EPHB2: variants seen among roughly 807,000 people sequenced by gnomAD.
EPHB2 encodes ephrin type-B receptor 2.
In EPHB2, 18 loss-of-function variants were observed where a neutral mutation model predicts 96.4. The observed-to-expected ratio is 0.19, with a 90% CI of 0.13 to 0.28. The LOEUF (loss-of-function observed/expected upper bound fraction) is 0.28, where lower values mean the gene tolerates loss of function less well. Among genes scored for constraint, EPHB2 ranks in the 10% least tolerant of loss-of-function variants. The pLI is 1.00. For missense variants in EPHB2, 989 were observed against 1,355.4 expected (o/e 0.73, Z 4.25); for synonymous variants, 506 against 534.1 (o/e 0.95, Z 0.72).
Position 22,850,979 on chromosome 1 carries a change from T to G in EPHB2, c.812-12058T>G, listed in dbSNP as rs796576837. 2.6e-5 allele frequency among the ~76,000 whole-genome samples: 4 copies of G among 151,866 alleles called. No individual in the cohort carries two copies. The East Asian group carries it at 5.8e-4, about 22-fold the overall frequency. On this transcript the variant is annotated intron_variant, in intron 3 of 15. Coordinates refer to ENST00000374630, the MANE Select transcript of EPHB2 (RefSeq NM_017449.5). ...GCTTTGTAGGCTATTGTTTTGTGGG[T>G]TTTTGTTTCTTTTTGGAAATTCATC...
Position 22,795,772 on chromosome 1 carries a change from G to A in EPHB2, c.811+10696G>A, listed in dbSNP as rs920501577. ...CCATATACTTTGTCAGGCAGAAGCC[G>A]GGACTAGAACCCAGTGCTGCAGGCT... On this transcript the variant is annotated intron_variant, in intron 3 of 15. Transcript: ENST00000374630. Among the ~76,000 whole-genome samples, 13 of 152,136 alleles carry A rather than the reference G, an allele frequency of 8.5e-5. No individual in the cohort carries two copies. The East Asian group carries it at 1.2e-3, about 14-fold the overall frequency.
At chr1:22,740,924 G>T (rs149386585) in intron 1 of EPHB2, among the ~76,000 whole-genome samples, 1 of 152,124 alleles carries the variant, frequency 6.6e-6, no homozygotes, top group African/African-American at 2.4e-5. Flanking sequence ...GGGGCGGTCC[G>T]TGTGAAGTTC....
At chr1:22,895,006 C>T (rs573158938) in intron 7 of EPHB2, among the ~76,000 whole-genome samples, 1 of 152,320 alleles carries the variant, frequency 6.6e-6, no homozygotes, top group South Asian at 2.1e-4. Flanking sequence ...TTATTCTCCC[C>T]ATTTTACAGA....
chr1:22,745,823 G>A (rs1643966560), intron 1 of EPHB2, among the ~76,000 whole-genome samples: 2 of 152,142 alleles, frequency 1.3e-5, no homozygotes, highest in South Asian at 2.1e-4. Flanking sequence ...TGAGCGCAGC[G>A]GGGCCTGGCG....
intron 3 of EPHB2, among the ~76,000 whole-genome samples, chr1:22,855,835 AC>A (rs1169986216): frequency 1.3e-5 from 2 of 152,212 alleles, no homozygotes; most frequent in Non-Finnish European, 2.9e-5. Flanking sequence ...AGGTTAGGTA[AC>A]TTGCTCATGG....
At chr1:22,717,320 G>C (rs1304963824) in intron 1 of EPHB2, among the ~76,000 whole-genome samples, 1 of 152,216 alleles carries the variant, frequency 6.6e-6, no homozygotes, top group Non-Finnish European at 1.5e-5. Context: ...TTCTGATAAG[G>C]CTGCCTTGAA....
At position 22,913,355 on chromosome 1, in the gene EPHB2, C is replaced by A; in HGVS notation, c.2853-107C>A. 1.4e-6 allele frequency: 2 copies of A among 1,438,276 alleles called. No homozygotes were observed. Among genetic ancestry groups the A allele is most frequent in the Non-Finnish European group, 1.9e-6 (2 of 1,044,874 alleles). The allele number at this position is 1,438,276 out of a possible 1,614,324, so 89.1% of individuals were successfully genotyped here. On this transcript the variant is annotated intron_variant, in intron 15 of 15. Transcript: ENST00000374630. This position sits in a 1 kb window ranked among gnomAD's most constrained non-coding sequence, Gnocchi z 4.1. ...ACTCCCCACTCCCCACTCCCCAGTA[C>A]TCCTTGCTTTGCCATCTTCCTCCCG...
chr1:22,857,098 G>T (rs577582565), intron 3 of EPHB2, among the ~76,000 whole-genome samples: 1 of 152,180 alleles, frequency 6.6e-6, no homozygotes, highest in Admixed American at 6.5e-5. Flanking sequence ...ACAAAATCAC[G>T]TGCCATGTAA....
At chr1:22,910,752 G>T (rs140251906) in intron 14 of EPHB2, among the ~76,000 whole-genome samples, 177 bp downstream of exon 14, 1 of 152,224 alleles carries the variant, frequency 6.6e-6, no homozygotes, top group Non-Finnish European at 1.5e-5. Context: ...AGCAGAGGAC[G>T]CAGACTGCCC....
chr1:22,772,997 C>T (rs1644399745), intron 1 of EPHB2, among the ~76,000 whole-genome samples: 1 of 152,126 alleles, frequency 6.6e-6, no homozygotes, highest in Admixed American at 6.5e-5. Flanking sequence ...CTTGGTTTCC[C>T]CATAAGTTTG....
intron 1 of EPHB2, among the ~76,000 whole-genome samples, chr1:22,775,493 G>T (rs921248962): frequency 2.0e-5 from 3 of 152,246 alleles, no homozygotes; most frequent in African/African-American, 7.2e-5. Context: ...AGCTGGCTAG[G>T]GGTGGATCGG....
rs146009391 is a variant in EPHB2 at position 22,784,973 on chromosome 1, C to T, written c.708C>T (p.Pro236=). 25 of 1,613,916 alleles carry T rather than the reference C, an allele frequency of 1.5e-5. No individual in the cohort carries two copies. In the African/African-American group the frequency reaches 3.1e-4, roughly 20 times the overall value. The part of the protein sequence containing the change: ...CIANAEEVDV[P]IKLYCNGDGE... ...CCAATGCGGAAGAGGTGGATGTACC[C>T]ATCAAGCTCTACTGTAACGGGGACG... The change falls in exon 3 of 16, where the codon CCC becomes CCT. Residue 236 remains proline (P), a synonymous_variant. Coordinates refer to ENST00000374630, the MANE Select transcript of EPHB2 (RefSeq NM_017449.5). The surrounding 1 kb of genome is among the most constrained non-coding windows in gnomAD (Gnocchi z 5.1).
In EPHB2 at chr1:22,913,580, G is replaced by T; in HGVS notation, c.*10G>T. On this transcript the variant is annotated 3_prime_UTR_variant, in exon 16 of 16. Transcript: ENST00000374630. The surrounding 1 kb of genome is among the most constrained non-coding windows in gnomAD (Gnocchi z 4.1). The stretch of plus-strand genomic sequence containing the variant: ...GTCTGTGGAGGTTTGACATTCACCT[G>T]CCTCGGCTCACCTCTTCCTCCAAGC... 6.2e-7 allele frequency: 1 copy of T among 1,614,056 alleles called. No homozygotes were observed. Among genetic ancestry groups the T allele is most frequent in the East Asian group, 2.2e-5 (1 of 44,876 alleles).
At chr1:22,894,442 A>T (rs575494973) in intron 7 of EPHB2, among the ~76,000 whole-genome samples, 33 of 152,156 alleles carry the variant, frequency 2.2e-4, no homozygotes, top group African/African-American at 8.0e-4. Context: ...TACTAAAACT[A>T]CAAAATCAGC....
Position 22,906,010 on chromosome 1 carries a change from A to G in EPHB2, c.1789A>G (p.Ile597Val). 2 of 1,614,212 alleles carry G rather than the reference A, an allele frequency of 1.2e-6. No homozygotes were observed. The highest frequency in any genetic ancestry group is 1.1e-5 in the South Asian group (1 of 91,078). Reference sequence around the variant, plus strand: ...AGTGACCCCAGGCATGAAGATCTACATCGATCCTTTCACCTACGAGGACCC... The same window carrying G: ...AGTGACCCCAGGCATGAAGATCTACGTCGATCCTTTCACCTACGAGGACCC... ...GHMTPGMKIY[I>V]DPFTYEDPNE... The change falls in exon 10 of 16, where the codon ATC becomes GTC. Residue 597 changes from isoleucine (I) to valine (V), a missense_variant. Transcript: ENST00000374630. This position sits in a 1 kb window ranked among gnomAD's most constrained non-coding sequence, Gnocchi z 4.8.
Position 22,864,080 on chromosome 1 carries a change from G to A in EPHB2, c.968-797G>A, listed in dbSNP as rs141435663. The stretch of plus-strand genomic sequence containing the variant: ...TTTTGAGATGGAGTTTCACTCTGTC[G>A]CCCAGGCTCTGGAATGCAATGGCAT... On this transcript the variant is annotated intron_variant, in intron 4 of 15. Coordinates refer to ENST00000374630, the MANE Select transcript of EPHB2 (RefSeq NM_017449.5). Among the ~76,000 whole-genome samples the A allele has an allele frequency of 1.6e-4, 22 of 139,228 alleles. No homozygotes were observed. The East Asian group carries it at 3.3e-3, about 21-fold the overall frequency. 91.3% of individuals were successfully genotyped at this position (139,228 alleles called of 152,430 possible).
intron 1 of EPHB2, chr1:22,774,520 C>G (rs1290786645): frequency 1.0e-6 from 1 of 978,254 alleles, no homozygotes; most frequent in African/African-American, 1.8e-5. Flanking sequence ...CCAGGCGTTC[C>G]AGGCAGAAAA....
intron 3 of EPHB2, among the ~76,000 whole-genome samples, chr1:22,812,114 GC>G (rs953808419): frequency 6.6e-6 from 1 of 152,196 alleles, no homozygotes; most frequent in Non-Finnish European, 1.5e-5. Context: ...ACTTCTCTGA[GC>G]CCCCAGATAT....
chr1:22,716,831 CA>C (rs1643306669), intron 1 of EPHB2, among the ~76,000 whole-genome samples: 1 of 152,214 alleles, frequency 6.6e-6, no homozygotes, highest in Non-Finnish European at 1.5e-5. Flanking sequence ...GCAGGGGACC[CA>C]TGCTCCCACT....
Sources: allele counts gnomAD v4.1 joint callset (sites outside exome capture counted in the v4.1 genomes callset), GRCh38; gene constraint gnomAD v4.1.1; non-coding constraint Gnocchi (gnomAD v3.1); transcripts MANE v1.5; gene names NCBI Gene and HGNC (gene_info 2026-07-23, HGNC 2026-07-21).